VEPH1: variants seen among roughly 807,000 people sequenced by gnomAD.
VEPH1 encodes the protein ventricular zone-expressed PH domain-containing protein homolog 1.
In VEPH1, 80 loss-of-function variants were observed where a neutral mutation model predicts 85.2. The observed-to-expected ratio is 0.94, with a 90% CI of 0.78 to 1.13. The LOEUF is 1.13. Ranked by LOEUF, VEPH1 falls within the 50% of genes most tolerant of loss-of-function variation. The probability of loss-of-function intolerance (pLI) is 0.00; values close to 1 mark genes in which losing one functional copy is unlikely to be tolerated. For missense variants in VEPH1, 955 were observed against 980.5 expected, an observed-to-expected ratio of 0.97 and a Z score of 0.35; for synonymous variants, 297 against 348.0, an observed-to-expected ratio of 0.85 and a Z score of 1.63.
chr3:157,396,445 T>C (rs1319444359), intron 6 of VEPH1, among the ~76,000 whole-genome samples: 1 of 152,200 alleles, frequency 6.6e-6, no homozygotes, highest in Non-Finnish European at 1.5e-5. Flanking sequence ...TATTCCTTTG[T>C]GTATATACCC....
Position 157,394,582 on chromosome 3 carries a change from G to A in VEPH1, c.907-13206C>T, listed in dbSNP as rs192883543. On this transcript the variant is annotated intron_variant, in intron 6 of 13. Transcript: ENST00000362010. ...CAGGCTGTTCATGAAGCATAGTTCT[G>A]CAATCTGCTTCTGTGGGAAGCCTCA... Among the ~76,000 whole-genome samples the A allele has an allele frequency of 5.9e-3, 896 of 152,234 alleles. 5 individuals are homozygous for A. The highest frequency in any genetic ancestry group is 5.6e-3 in the Non-Finnish European group (379 of 68,012).
intron 9 of VEPH1, among the ~76,000 whole-genome samples, chr3:157,340,036 C>T (rs150053779): frequency 3.3e-5 from 5 of 152,188 alleles, no homozygotes; most frequent in Non-Finnish European, 7.4e-5. Context: ...TCAGTAAGGT[C>T]GAAATCATAT....
intron 4 of VEPH1, chr3:157,438,019 A>G: frequency 8.8e-7 from 1 of 1,133,530 alleles, no homozygotes; most frequent in Non-Finnish European, 1.2e-6. Flanking sequence ...CTTTCATGGG[A>G]AGCGCGCGCG....
intron 10 of VEPH1, 118 bp downstream of exon 10, chr3:157,316,944 G>T: frequency 2.0e-6 from 2 of 981,184 alleles, no homozygotes; most frequent in Non-Finnish European, 2.8e-6. Context: ...AATGAAATAT[G>T]TATGTATTGC....
chr3:157,424,635 C>T (rs79479159), intron 5 of VEPH1, among the ~76,000 whole-genome samples: 11,720 of 152,128 alleles, frequency 0.077, 702 homozygotes, highest in South Asian at 0.24. Flanking sequence ...GCAAAGGTGA[C>T]GCTTGTTATG....
At chr3:157,491,425 C>G (rs1024841486) in intron 2 of VEPH1, among the ~76,000 whole-genome samples, 1 of 151,982 alleles carries the variant, frequency 6.6e-6, no homozygotes, top group Non-Finnish European at 1.5e-5. Context: ...CTAGAAAGGA[C>G]TTGAAATGAA....
At chr3:157,444,401 A>C (rs1237197124) in intron 4 of VEPH1, among the ~76,000 whole-genome samples, 1 of 152,262 alleles carries the variant, frequency 6.6e-6, no homozygotes, top group East Asian at 1.9e-4. Flanking sequence ...CCATGAATCT[A>C]ATAATTTTTG....
At chr3:157,346,336 T>C (rs1025741116) in intron 9 of VEPH1, among the ~76,000 whole-genome samples, 1 of 152,228 alleles carries the variant, frequency 6.6e-6, no homozygotes, top group African/African-American at 2.4e-5. Context: ...AAAATGAATT[T>C]GAAATATGTG....
intron 5 of VEPH1, 96 bp downstream of exon 5, chr3:157,428,226 A>T: frequency 2.3e-6 from 3 of 1,325,494 alleles, no homozygotes; most frequent in Non-Finnish European, 3.1e-6. Flanking sequence ...GCATTTGTAA[A>T]TGTATGAGAC....
At chr3:157,394,288 G>A (rs991418297) in intron 6 of VEPH1, among the ~76,000 whole-genome samples, 1 of 152,208 alleles carries the variant, frequency 6.6e-6, no homozygotes, top group African/African-American at 2.4e-5. Context: ...TCCTAGCTGT[G>A]CCTTATTTGT....
intron 2 of VEPH1, among the ~76,000 whole-genome samples, chr3:157,484,566 C>A (rs980596201): frequency 6.6e-6 from 1 of 152,162 alleles, no homozygotes; most frequent in Non-Finnish European, 1.5e-5. Context: ...ATATTAGGTA[C>A]TTTAAGCAAG....
In VEPH1 at chr3:157,278,286, C is replaced by G. The variant is rs76280198; in HGVS notation, c.2128+8271G>C. On this transcript the variant is annotated intron_variant, in intron 12 of 13. Transcript: ENST00000362010. ...ATAAGAAGGCTAAGATCTACTTTAA[C>G]TAAGTGAAGAAGGGAGAGAGGGAAT... Among the ~76,000 whole-genome samples the G allele has an allele frequency of 3.2e-3, 493 of 152,192 alleles. 1 individual carries two copies. The highest frequency in any genetic ancestry group is 0.011 in the African/African-American group (458 of 41,522).
chr3:157,442,820 C>T, intron 4 of VEPH1: 10 of 1,614,200 alleles, frequency 6.2e-6, no homozygotes, highest in Non-Finnish European at 8.5e-6. Context: ...CATTAGCCTT[C>T]TCTGGGAGAC....
chr3:157,262,190 T>G (rs1712998937), intron 13 of VEPH1, among the ~76,000 whole-genome samples: 1 of 152,062 alleles, frequency 6.6e-6, no homozygotes, highest in African/African-American at 2.4e-5. Flanking sequence ...TAAACAAATC[T>G]CAGAAGCACC....
chr3:157,272,174 C>T (rs1714646749), intron 12 of VEPH1, among the ~76,000 whole-genome samples: 2 of 152,092 alleles, frequency 1.3e-5, no homozygotes, highest in South Asian at 4.1e-4. Context: ...GAAGAACCAG[C>T]AGGAGCATTG....
intron 9 of VEPH1, among the ~76,000 whole-genome samples, chr3:157,359,784 T>C (rs139123408): frequency 3.9e-5 from 6 of 152,374 alleles, no homozygotes; most frequent in East Asian, 1.9e-4. Flanking sequence ...TATTTTTATA[T>C]GTCAAAACAG....
intron 9 of VEPH1, among the ~76,000 whole-genome samples, chr3:157,326,518 A>G (rs1195381929): frequency 6.6e-6 from 1 of 152,326 alleles, no homozygotes; most frequent in Non-Finnish European, 1.5e-5. Context: ...CCTTTAGCCT[A>G]TCATTCCTGA....
chr3:157,418,950 C>G (rs755500800), intron 5 of VEPH1, among the ~76,000 whole-genome samples: 15 of 152,118 alleles, frequency 9.9e-5, no homozygotes, highest in Non-Finnish European at 1.6e-4. Context: ...GCTACAGTAA[C>G]CAAAACGGCA....
Position 157,330,811 on chromosome 3 carries a change from G to A in VEPH1, c.1736-13610C>T, listed in dbSNP as rs187409423. On this transcript the variant is annotated intron_variant, in intron 9 of 13. Coordinates refer to ENST00000362010, the MANE Select transcript of VEPH1 (RefSeq NM_001167912.2). The stretch of plus-strand genomic sequence containing the variant: ...ATCCAGAACCAAGGGAGGCAGGCCT[G>A]GTGGTTAACTGAGGTTCCGAGGCCA... Among the ~76,000 whole-genome samples the A allele has an allele frequency of 2.0e-5, 3 of 152,290 alleles. No individual in the cohort carries two copies. In the East Asian group the frequency reaches 5.8e-4, roughly 29 times the overall value.
Sources: allele counts gnomAD v4.1 joint callset (sites outside exome capture counted in the v4.1 genomes callset), GRCh38; gene constraint gnomAD v4.1.1; transcripts MANE v1.5; gene names NCBI Gene and HGNC (gene_info 2026-07-23, HGNC 2026-07-21).